DIP2B: variants seen among roughly 807,000 people sequenced by gnomAD.
DIP2B encodes disco-interacting protein 2 homolog B.
A neutral mutation model predicts 198.0 loss-of-function variants in DIP2B; 76 were observed. The observed-to-expected ratio is 0.38, with a 90% CI of 0.32 to 0.46. The LOEUF is 0.46. Among genes scored for constraint, DIP2B ranks in the 20% least tolerant of loss-of-function variants. The pLI, the probability that DIP2B is intolerant of heterozygous loss-of-function variation, is 0.99. For missense variants in DIP2B, 1,559 were observed against 1,978.4 expected, an observed-to-expected ratio of 0.79 and a Z score of 4.02; for synonymous variants, 701 against 739.1, an observed-to-expected ratio of 0.95 and a Z score of 0.84.
intron 28 of DIP2B, among the ~76,000 whole-genome samples, chr12:50,725,456 G>T (rs1565883157): frequency 6.6e-6 from 1 of 152,152 alleles, no homozygotes; most frequent in Non-Finnish European, 1.5e-5. Flanking sequence ...TAAAGAAGGG[G>T]ATAAGATAAG....
At chr12:50,508,154 G>T (rs988981966) in intron 1 of DIP2B, among the ~76,000 whole-genome samples, 6 of 152,116 alleles carry the variant, frequency 3.9e-5, no homozygotes, top group African/African-American at 1.4e-4. Context: ...GCAGCTTCCT[G>T]GTTAAAACCT....
chr12:50,534,556 G>A (rs560494704), intron 1 of DIP2B, among the ~76,000 whole-genome samples: 1 of 151,576 alleles, frequency 6.6e-6, no homozygotes, highest in African/African-American at 2.4e-5. Context: ...TACAGATGGG[G>A]TTTCGCCATG....
intron 1 of DIP2B, among the ~76,000 whole-genome samples, chr12:50,544,043 C>T (rs1219442469): frequency 6.7e-6 from 1 of 149,580 alleles, no homozygotes; most frequent in Non-Finnish European, 1.5e-5. Flanking sequence ...TCCTGGCCAA[C>T]ATGGTGAAAC....
At chr12:50,613,203 T>C (rs1172853731) in intron 1 of DIP2B, among the ~76,000 whole-genome samples, 1 of 152,222 alleles carries the variant, frequency 6.6e-6, no homozygotes, top group East Asian at 1.9e-4. Context: ...TGCAGGCCAG[T>C]TAATTTCCCT....
chr12:50,683,012 G>A (rs1246741645), intron 9 of DIP2B, 126 bp from the exon 10 acceptor site: 8 of 781,602 alleles, frequency 1.0e-5, no homozygotes, highest in South Asian at 2.1e-5. Flanking sequence ...TTCCTTTAGA[G>A]CAGATGGCTG....
intron 3 of DIP2B, 149 bp from the exon 4 acceptor site, chr12:50,660,045 T>C (rs1938618184): frequency 1.2e-6 from 1 of 830,748 alleles, no homozygotes. Flanking sequence ...TTCTAATTGG[T>C]CTTAATCAAA....
chr12:50,505,636 G>T (rs982488405), intron 1 of DIP2B, among the ~76,000 whole-genome samples: 10 of 152,160 alleles, frequency 6.6e-5, no homozygotes, highest in East Asian at 1.9e-4. Flanking sequence ...TTCGTGGAGG[G>T]CTCCACGCCT....
chr12:50,570,966 A>G (rs551815243), intron 1 of DIP2B, among the ~76,000 whole-genome samples: 4 of 152,218 alleles, frequency 2.6e-5, no homozygotes, highest in South Asian at 4.1e-4. Flanking sequence ...CAAAATTACT[A>G]TGACCCAGCT....
Position 50,708,541 on chromosome 12 carries a change from G to A in DIP2B, c.2628G>A (p.Gln876=). ...ATGCTTCTGAGGAAGATAGTTTCCA[G>A]TGGATGAGCCGCGTGCTGCAGGTGA... ...RPDASEEDSF[Q]WMSRVLQAID... is the part of the protein sequence containing the mutation. The change falls in exon 22 of 38, where the codon CAG becomes CAA. Residue 876 remains glutamine, a synonymous_variant. Coordinates refer to ENST00000301180, the MANE Select transcript of DIP2B (RefSeq NM_173602.3). 1 of 1,600,772 alleles carries A rather than the reference G, an allele frequency of 6.2e-7. No homozygotes were observed. Among genetic ancestry groups the A allele is most frequent in the East Asian group, 2.2e-5 (1 of 44,608 alleles).
intron 1 of DIP2B, among the ~76,000 whole-genome samples, chr12:50,536,771 G>A (rs1423007201): frequency 1.3e-5 from 2 of 151,832 alleles, no homozygotes; most frequent in African/African-American, 2.4e-5. Flanking sequence ...GTTTCTCCAA[G>A]TTGACCAGGC....
At chr12:50,538,524 G>T (rs938919698) in intron 1 of DIP2B, among the ~76,000 whole-genome samples, 3 of 152,086 alleles carry the variant, frequency 2.0e-5, no homozygotes, top group African/African-American at 7.2e-5. Context: ...GTAGTTAATA[G>T]TGTAACTTTC....
chr12:50,561,024 C>T (rs1284888679), intron 1 of DIP2B, among the ~76,000 whole-genome samples: 9 of 152,216 alleles, frequency 5.9e-5, no homozygotes, highest in African/African-American at 1.9e-4. Context: ...GAAATAGCAA[C>T]CTATATAAGA....
At chr12:50,506,285 C>T (rs1957967962) in intron 1 of DIP2B, among the ~76,000 whole-genome samples, 1 of 152,108 alleles carries the variant, frequency 6.6e-6, no homozygotes. Flanking sequence ...TTGTGGAAGG[C>T]CCTCTTCACT....
rs763107413 is a variant in DIP2B at position 50,723,325 on chromosome 12, T to C, written c.3288+2T>C. 5.6e-6 allele frequency: 9 copies of C among 1,614,182 alleles called. No homozygotes were observed. In the South Asian group the frequency reaches 8.8e-5, roughly 16 times the overall value. On this transcript the variant is annotated splice_donor_variant, in intron 27 of 37. Coordinates refer to ENST00000301180, the MANE Select transcript of DIP2B (RefSeq NM_173602.3). LOFTEE classifies it high-confidence loss of function. ...CCCACTGTCCGAATGATTGTTGATGTAAGTACCAGCTGTATCTTGCCTTGT... is the reference window on the plus strand; with the variant it reads ...CCCACTGTCCGAATGATTGTTGATGCAAGTACCAGCTGTATCTTGCCTTGT...
chr12:50,603,939 A>G, intron 1 of DIP2B, among the ~76,000 whole-genome samples: 1 of 152,146 alleles, frequency 6.6e-6, no homozygotes, highest in East Asian at 1.9e-4. Context: ...TGAGAAAGCC[A>G]TGGCCTGGTT....
chr12:50,537,253 A>C (rs1471125836), intron 1 of DIP2B, among the ~76,000 whole-genome samples: 2 of 142,294 alleles, frequency 1.4e-5, no homozygotes, highest in Non-Finnish European at 3.1e-5. Context: ...GAGCCACTGC[A>C]CCTGCCAGAT....
chr12:50,598,036 CTGA>C (rs1293279844), intron 1 of DIP2B, among the ~76,000 whole-genome samples: 1 of 152,196 alleles, frequency 6.6e-6, no homozygotes. Context: ...ATATGACTGA[CTGA>C]TGTAAGTTTC....
intron 1 of DIP2B, among the ~76,000 whole-genome samples, chr12:50,597,271 C>T (rs1472283031): frequency 6.6e-6 from 1 of 152,154 alleles, no homozygotes; most frequent in Non-Finnish European, 1.5e-5. Flanking sequence ...TATTTGACAA[C>T]ATAACTACTT....
intron 30 of DIP2B, among the ~76,000 whole-genome samples, chr12:50,730,348 CTT>C (rs1940017322): frequency 6.7e-6 from 1 of 150,252 alleles, no homozygotes; most frequent in Admixed American, 6.7e-5. Flanking sequence ...CTTTCTCTCT[CTT>C]TCTTTTTTTG....
Sources: gnomAD v4.1 joint callset for allele counts (sites outside exome capture counted in the v4.1 genomes callset) on GRCh38, gnomAD v4.1.1 for gene constraint, MANE v1.5 for transcripts, NCBI Gene and HGNC (gene_info 2026-07-23, HGNC 2026-07-21) for gene names.